Variants in GRIK1 observed in about 807,000 individuals in gnomAD.
The protein encoded by GRIK1 is glutamate receptor ionotropic, kainate 1.
A neutral mutation model predicts 105.7 loss-of-function variants in GRIK1; 69 were observed. That is an observed-to-expected ratio of 0.65 (90% CI 0.54 to 0.80). The LOEUF (loss-of-function observed/expected upper bound fraction) is 0.80, where lower values mean the gene tolerates loss of function less well. Among genes scored for constraint, GRIK1 ranks in the 30% least tolerant of loss-of-function variants. The pLI is 0.00. For synonymous variants in GRIK1, 438 were observed against 431.3 expected (o/e 1.02, Z -0.19); for missense variants, 1,109 against 1,167.3 (o/e 0.95, Z 0.73).
At chr21:29,921,928 G>T (rs764984024) in intron 1 of GRIK1, among the ~76,000 whole-genome samples, 2 of 152,090 alleles carry the variant, frequency 1.3e-5, no homozygotes, top group Non-Finnish European at 2.9e-5. Context: ...GAATAATTTT[G>T]CAGGTAAGTA....
intron 6 of GRIK1, among the ~76,000 whole-genome samples, chr21:29,646,257 C>A (rs2146539346): frequency 6.6e-6 from 1 of 152,252 alleles, no homozygotes; most frequent in South Asian, 2.1e-4. Flanking sequence ...GACCCATCAT[C>A]CCAATAAAAA....
intron 4 of GRIK1, among the ~76,000 whole-genome samples, chr21:29,660,839 A>G (rs1468953024): frequency 6.6e-6 from 1 of 152,240 alleles, no homozygotes; most frequent in Non-Finnish European, 1.5e-5. Context: ...AAATGTGTGA[A>G]CATGCAATGT....
At chr21:29,921,039 T>C (rs553297707) in intron 1 of GRIK1, among the ~76,000 whole-genome samples, 2 of 152,290 alleles carry the variant, frequency 1.3e-5, no homozygotes, top group Admixed American at 1.3e-4. Flanking sequence ...CTCAGCACTG[T>C]TGGCATTCTG....
chr21:29,885,534 T>A (rs2069588868), intron 1 of GRIK1, among the ~76,000 whole-genome samples: 1 of 152,050 alleles, frequency 6.6e-6, no homozygotes, highest in South Asian at 2.1e-4. Flanking sequence ...CATTTAGAAT[T>A]TTAGTGAAAG....
intron 14 of GRIK1, among the ~76,000 whole-genome samples, chr21:29,564,399 G>T (rs368900801): frequency 2.2e-3 from 330 of 152,192 alleles, no homozygotes; most frequent in African/African-American, 7.6e-3. Context: ...CGCCCGCCTC[G>T]GCCTCCCAAA....
chr21:29,762,565 A>G (rs557395197), intron 1 of GRIK1, among the ~76,000 whole-genome samples: 1 of 152,306 alleles, frequency 6.6e-6, no homozygotes, highest in South Asian at 2.1e-4. Flanking sequence ...GAGGTAAATA[A>G]CTTTTCAGGG....
At chr21:29,731,373 C>T (rs998576396) in intron 1 of GRIK1, among the ~76,000 whole-genome samples, 11 of 152,200 alleles carry the variant, frequency 7.2e-5, no homozygotes, top group African/African-American at 2.2e-4. Context: ...TTTGCTTTTA[C>T]TTTGACTTGA....
At chr21:29,780,459 T>C (rs963129594) in intron 1 of GRIK1, among the ~76,000 whole-genome samples, 5 of 152,222 alleles carry the variant, frequency 3.3e-5, no homozygotes, top group African/African-American at 1.2e-4. Context: ...AAGTGGGTGC[T>C]ATCACTTGAA....
chr21:29,848,779 A>ATATATATATATATATATTTTTTTTT, intron 1 of GRIK1, among the ~76,000 whole-genome samples: 2 of 77,860 alleles, frequency 2.6e-5, no homozygotes, highest in African/African-American at 1.2e-4. Context: ...ATATATATAT[A>ATATATATATATATATATTTTTTTTT]TTTTTTTTTT....
At chr21:29,898,969 T>TC (rs972520118) in intron 1 of GRIK1, among the ~76,000 whole-genome samples, 1 of 136,418 alleles carries the variant, frequency 7.3e-6, no homozygotes, top group African/African-American at 3.0e-5. Flanking sequence ...TGAAACTCCG[T>TC]CTCAAAAAAA....
At chr21:29,707,571 C>T (rs1411970246) in intron 1 of GRIK1, among the ~76,000 whole-genome samples, 1 of 151,750 alleles carries the variant, frequency 6.6e-6, no homozygotes, top group African/African-American at 2.4e-5. Context: ...CCTCAGCTCA[C>T]TGCAACCTCT....
At chr21:29,663,098 T>A (rs2062996772) in intron 4 of GRIK1, among the ~76,000 whole-genome samples, 1 of 152,164 alleles carries the variant, frequency 6.6e-6, no homozygotes, top group Admixed American at 6.5e-5. Flanking sequence ...TATTCCTAAT[T>A]TATAGATTTT....
At chr21:29,596,660 TAG>T (rs1348974189) in intron 8 of GRIK1, 90 bp from the exon 9 acceptor site, 12 of 913,374 alleles carry the variant, frequency 1.3e-5, no homozygotes, top group Non-Finnish European at 2.0e-5. Context: ...TGTGAGTGCT[TAG>T]AGTGTTACAG....
chr21:29,717,250 A>C (rs1292676392), intron 1 of GRIK1, among the ~76,000 whole-genome samples: 1 of 152,244 alleles, frequency 6.6e-6, no homozygotes, highest in Non-Finnish European at 1.5e-5. Flanking sequence ...AGGGAAATAC[A>C]GGGTTGGAGC....
chr21:29,872,977 T>C (rs982080647), intron 1 of GRIK1, among the ~76,000 whole-genome samples: 3 of 152,078 alleles, frequency 2.0e-5, no homozygotes, highest in Non-Finnish European at 4.4e-5. Flanking sequence ...ACCAATAAGA[T>C]TGAGACGAAA....
At chr21:29,834,102 A>G (rs1257354950) in intron 1 of GRIK1, among the ~76,000 whole-genome samples, 1 of 152,068 alleles carries the variant, frequency 6.6e-6, no homozygotes, top group East Asian at 1.9e-4. Flanking sequence ...GAAAGAAGTG[A>G]ATGAATTGAA....
At chr21:29,773,365 C>A (rs2065861612) in intron 1 of GRIK1, among the ~76,000 whole-genome samples, 1 of 152,146 alleles carries the variant, frequency 6.6e-6, no homozygotes, top group African/African-American at 2.4e-5. Context: ...GACAAATGTT[C>A]AGTGACAGGG....
Position 29,693,886 on chromosome 21 carries a change from A to G in GRIK1, c.286+10T>C. 2 of 1,603,052 alleles carry G rather than the reference A, an allele frequency of 1.2e-6. No homozygotes were observed. Among genetic ancestry groups the G allele is most frequent in the Non-Finnish European group, 1.7e-6 (2 of 1,171,758 alleles). ...CCCAAAGAAGCTTTTAAAAGTGGGAAAATAGTTACCTCTCCGCGAGGCTTC... is the reference window on the plus strand; with the variant it reads ...CCCAAAGAAGCTTTTAAAAGTGGGAGAATAGTTACCTCTCCGCGAGGCTTC... On this transcript the variant is annotated intron_variant, in intron 2 of 17. Transcript: ENST00000327783.
rs1160870578 is a variant in GRIK1 at position 29,577,190 on chromosome 21, G to T, written c.1913-9C>A. On this transcript the variant is annotated splice_polypyrimidine_tract_variant and intron_variant, in intron 13 of 17. Transcript: ENST00000327783. ...GGGCATCAGCTCTGATCCTGTGATGGTATCATCAGAGTAAGGGTGTTAAAC... is the reference window on the plus strand; with the variant it reads ...GGGCATCAGCTCTGATCCTGTGATGTTATCATCAGAGTAAGGGTGTTAAAC... 3 of 1,476,738 alleles carry T rather than the reference G, an allele frequency of 2.0e-6. No individual in the cohort carries two copies. The highest frequency in any genetic ancestry group is 2.8e-6 in the Non-Finnish European group (3 of 1,054,962). 91.5% of individuals were successfully genotyped at this position (1,476,738 alleles called of 1,614,324 possible).
Sources: gnomAD v4.1 joint callset for allele counts (sites outside exome capture counted in the v4.1 genomes callset) on GRCh38, gnomAD v4.1.1 for gene constraint, MANE v1.5 for transcripts, NCBI Gene and HGNC (gene_info 2026-07-23, HGNC 2026-07-21) for gene names.